The following CPT1A variants were observed in gnomAD, a reference collection of about 807,000 sequenced individuals.
The protein encoded by CPT1A is carnitine palmitoyltransferase 1A.
A neutral mutation model predicts 100.8 loss-of-function variants in CPT1A; 64 were observed. That is an observed-to-expected ratio of 0.63 (90% confidence interval 0.52 to 0.78). The LOEUF is 0.78. Among genes scored for constraint, CPT1A ranks in the 30% least tolerant of loss-of-function variants. The pLI is 0.00. For missense variants in CPT1A, 802 were observed against 1,034.1 expected, an observed-to-expected ratio of 0.78 and a Z score of 3.08; for synonymous variants, 363 against 396.0, an observed-to-expected ratio of 0.92 and a Z score of 0.99.
At chr11:68,760,555 G>T (rs1412390634) in intron 16 of CPT1A, among the ~76,000 whole-genome samples, 1 of 152,140 alleles carries the variant, frequency 6.6e-6, no homozygotes, top group African/African-American at 2.4e-5. Flanking sequence ...GCAGGGTGGG[G>T]GTGGGGGCAT....
At chr11:68,833,449 A>G (rs1382797111) in intron 1 of CPT1A, among the ~76,000 whole-genome samples, 1 of 152,262 alleles carries the variant, frequency 6.6e-6, no homozygotes. Context: ...GTGTATACAC[A>G]CAAACAGAAG....
intron 10 of CPT1A, among the ~76,000 whole-genome samples, chr11:68,782,971 C>G (rs887963822): frequency 6.6e-6 from 1 of 152,186 alleles, no homozygotes; most frequent in Non-Finnish European, 1.5e-5. Flanking sequence ...CCCGCGGCGC[C>G]GGCTCAGGCT....
chr11:68,763,060 G>A (rs1854676612), intron 14 of CPT1A, among the ~76,000 whole-genome samples: 1 of 152,122 alleles, frequency 6.6e-6, no homozygotes, highest in Non-Finnish European at 1.5e-5. Flanking sequence ...ACATTGCCCA[G>A]GCTGGTCTTA....
intron 1 of CPT1A, among the ~76,000 whole-genome samples, chr11:68,840,102 G>A (rs1248298959): frequency 6.6e-6 from 1 of 152,222 alleles, no homozygotes; most frequent in Non-Finnish European, 1.5e-5. Flanking sequence ...CATGCGAAAA[G>A]CAGTCCACAG....
rs148998126 is a variant in CPT1A at position 68,807,973 on chromosome 11, A to G, written c.282-335T>C. Among the ~76,000 whole-genome samples, 17 of 152,312 alleles carry G rather than the reference A, an allele frequency of 1.1e-4. 1 individual carries two copies. In the East Asian group the frequency reaches 2.7e-3, roughly 24 times the overall value. On this transcript the variant is annotated intron_variant, in intron 3 of 18. Transcript: ENST00000265641. ...GGGCTAATTTGTGTCTTCTGGAAAAAGATACAGCTTCCTCCAGGACCTCAG... is the reference window on the plus strand; with the variant it reads ...GGGCTAATTTGTGTCTTCTGGAAAAGGATACAGCTTCCTCCAGGACCTCAG...
chr11:68,818,618 G>A (rs1017391738), intron 1 of CPT1A: 4 of 152,590 alleles, frequency 2.6e-5, no homozygotes, highest in African/African-American at 7.2e-5. Flanking sequence ...CAGCACTTTG[G>A]GAGGCTGACG....
rs555062360 is a variant in CPT1A at position 68,792,866 on chromosome 11, C to T, written c.967+449G>A. ...GAGTTTGAGATCAGCCTGGGCAACA[C>T]GGCAAAACCTCATCTCTATAAAAAA... On this transcript the variant is annotated intron_variant, in intron 9 of 18. Transcript: ENST00000265641. 8.5e-5 allele frequency among the ~76,000 whole-genome samples: 13 copies of T among 152,204 alleles called. No homozygotes were observed. In the East Asian group the frequency reaches 1.9e-3, roughly 23 times the overall value.
intron 7 of CPT1A, among the ~76,000 whole-genome samples, chr11:68,796,294 C>T (rs564027054): frequency 6.6e-6 from 1 of 151,918 alleles, no homozygotes; most frequent in African/African-American, 2.4e-5. Flanking sequence ...CGGTGGCTCA[C>T]ACCTGTAATC....
chr11:68,841,820 G>A lies in CPT1A; in HGVS notation c.-59C>T, dbSNP rs1235995075. The A allele has an allele frequency of 5.0e-6, 5 of 998,322 alleles. No homozygotes were observed. The highest frequency in any genetic ancestry group is 5.9e-6 in the Non-Finnish European group (5 of 840,844). The allele number at this position is 998,322 out of a possible 1,614,324, so 61.8% of individuals were successfully genotyped here. ...GGCAGCGGCAGCGGCAGCGGCGGCG[G>A]CGGCGGCGGCGGTGGAGTGAACGAG... On this transcript the variant is annotated 5_prime_UTR_variant, in exon 1 of 19. Transcript: ENST00000265641. The surrounding 1 kb of genome is among the most constrained non-coding windows in gnomAD (Gnocchi z 6.3).
At chr11:68,830,289 A>C (rs768577602) in intron 1 of CPT1A, among the ~76,000 whole-genome samples, 4 of 151,946 alleles carry the variant, frequency 2.6e-5, no homozygotes, top group African/African-American at 4.8e-5. Flanking sequence ...AAAAAAATAA[A>C]AGAAAGGCTG....
intron 1 of CPT1A, among the ~76,000 whole-genome samples, chr11:68,825,936 A>G (rs78447256): frequency 0.032 from 4,870 of 152,252 alleles, 246 homozygotes; most frequent in African/African-American, 0.11. Context: ...CACCCCAGTG[A>G]GTGCCACCCA....
chr11:68,765,337 A>G (rs1348466748), intron 14 of CPT1A, among the ~76,000 whole-genome samples: 1 of 152,192 alleles, frequency 6.6e-6, no homozygotes, highest in Non-Finnish European at 1.5e-5. Flanking sequence ...GCCATCTAAA[A>G]AACTTCTTGG....
At chr11:68,815,791 C>CACACCTACTGACGTAAAG (rs1856370173) in intron 1 of CPT1A, among the ~76,000 whole-genome samples, 1 of 149,878 alleles carries the variant, frequency 6.7e-6, no homozygotes, top group African/African-American at 2.5e-5. Flanking sequence ...GCATCCAGGC[C>CACACCTACTGACGTAAAG]CGTGGTACCT....
At chr11:68,823,790 AAAAGAAAG>A (rs113830868) in intron 1 of CPT1A, among the ~76,000 whole-genome samples, 35 of 151,198 alleles carry the variant, frequency 2.3e-4, no homozygotes, top group Middle Eastern at 3.4e-3. Context: ...ACTCTGTCTC[AAAAGAAAG>A]AAAGAAAGAA....
chr11:68,761,780 T>A, intron 15 of CPT1A, 93 bp from the exon 16 acceptor site: 1 of 1,488,274 alleles, frequency 6.7e-7, no homozygotes, highest in Non-Finnish European at 9.3e-7. Flanking sequence ...CTAATATTTT[T>A]TGTTATTTTT....
chr11:68,829,876 C>T (rs748358123), intron 1 of CPT1A, among the ~76,000 whole-genome samples: 4 of 152,052 alleles, frequency 2.6e-5, no homozygotes, highest in East Asian at 1.9e-4. Context: ...CATGGGGCCG[C>T]GGATGTGTCT....
chr11:68,799,496 C>A, intron 5 of CPT1A, 141 bp from the exon 6 acceptor site: 1 of 928,680 alleles, frequency 1.1e-6, no homozygotes. Context: ...TGCTTGTAAT[C>A]CCAGCACTTT....
rs564436601 is a variant in CPT1A, at chr11:68,757,505, AC to A, written c.*138del. 771 of 1,528,638 alleles carry A rather than the reference AC, an allele frequency of 5.0e-4. 6 individuals carry two copies. The South Asian group carries it at 8.9e-3, about 18-fold the overall frequency. 94.7% of individuals were successfully genotyped at this position (1,528,638 alleles called of 1,614,324 possible). ...AGAGATACTGTTCTAGGAAAAAAAA[AC>A]ACCCACATTTTCTGGAAGGAAAACT... On this transcript the variant is annotated 3_prime_UTR_variant, in exon 19 of 19. Transcript: ENST00000265641.
intron 1 of CPT1A, among the ~76,000 whole-genome samples, chr11:68,829,159 C>T (rs1856818274): frequency 6.6e-6 from 1 of 152,186 alleles, no homozygotes. Flanking sequence ...TAGGGGTGTT[C>T]ACTCCAGTCC....
Sources: gnomAD v4.1 joint callset for allele counts (sites outside exome capture counted in the v4.1 genomes callset) on GRCh38, gnomAD v4.1.1 for gene constraint, Gnocchi (gnomAD v3.1) non-coding constraint, MANE v1.5 for transcripts, NCBI Gene and HGNC (gene_info 2026-07-23, HGNC 2026-07-21) for gene names.